Variants in HYAL4 observed in about 807,000 individuals in gnomAD.
HYAL4 encodes the protein hyaluronidase 4.
Under a neutral mutation model 35.2 loss-of-function variants are expected in HYAL4, and 37 were observed. That is an observed-to-expected ratio of 1.05 (90% confidence interval 0.81 to 1.38). The LOEUF (loss-of-function observed/expected upper bound fraction) is 1.38, where lower values mean the gene tolerates loss of function less well. Ranked by LOEUF, HYAL4 falls within the 40% of genes most tolerant of loss-of-function variation. The pLI is 0.00. For synonymous variants in HYAL4, 198 were observed against 203.2 expected, an observed-to-expected ratio of 0.97 and a Z score of 0.22; for missense variants, 572 against 572.4, an observed-to-expected ratio of 1.00 and a Z score of 0.01.
At chr7:123,813,372 A>G in the HYAL4 span, among the ~76,000 whole-genome samples, 1 of 152,130 alleles carries the variant, frequency 6.6e-6, no homozygotes, top group Non-Finnish European at 1.5e-5. Flanking sequence ...GTCCCAACAG[A>G]CTAGTTAAAG....
the HYAL4 span, among the ~76,000 whole-genome samples, chr7:123,774,236 G>A: frequency 6.6e-6 from 1 of 152,164 alleles, no homozygotes; most frequent in East Asian, 1.9e-4. Flanking sequence ...ATGGGGTTTT[G>A]CTATGTTGCC....
chr7:123,791,754 A>G, the HYAL4 span, among the ~76,000 whole-genome samples: 2 of 152,180 alleles, frequency 1.3e-5, no homozygotes, highest in African/African-American at 4.8e-5. Context: ...TCCTTGGGTG[A>G]GCTGGCCCAA....
the HYAL4 span, among the ~76,000 whole-genome samples, chr7:123,781,924 C>T: frequency 1.2e-4 from 18 of 152,092 alleles, no homozygotes; most frequent in African/African-American, 3.4e-4. Flanking sequence ...GCTTTTTCTT[C>T]GAGGTAGGGT....
At chr7:123,870,044 G>A (rs1465900209) in intron 3 of HYAL4, among the ~76,000 whole-genome samples, 1 of 152,170 alleles carries the variant, frequency 6.6e-6, no homozygotes, top group Admixed American at 6.5e-5. Flanking sequence ...GAAGACTCAG[G>A]ACTTGTGGAG....
the HYAL4 span, among the ~76,000 whole-genome samples, chr7:123,809,333 A>AGTGCACTGC: frequency 1.3e-5 from 2 of 151,658 alleles, no homozygotes; most frequent in African/African-American, 2.4e-5. Flanking sequence ...CTGTCCTCCA[A>AGTGCACTGC]GTGCACTGCG....
intron 1 of HYAL4, among the ~76,000 whole-genome samples, chr7:123,831,859 G>A (rs1405302084): frequency 2.0e-5 from 3 of 152,160 alleles, no homozygotes; most frequent in Non-Finnish European, 4.4e-5. Context: ...GTAGAAACCA[G>A]GCAGGTTAGT....
At chr7:123,812,882 C>T in the HYAL4 span, among the ~76,000 whole-genome samples, 1 of 152,040 alleles carries the variant, frequency 6.6e-6, no homozygotes, top group Non-Finnish European at 1.5e-5. Flanking sequence ...GGGAGAAAAA[C>T]CATCTCTGAT....
At chr7:123,819,049 T>A in the HYAL4 span, among the ~76,000 whole-genome samples, 2 of 152,162 alleles carry the variant, frequency 1.3e-5, no homozygotes, top group African/African-American at 4.8e-5. Context: ...TCCTATCTAA[T>A]TGTAATTATG....
chr7:123,781,881 G>A, the HYAL4 span, among the ~76,000 whole-genome samples: 8 of 152,184 alleles, frequency 5.3e-5, no homozygotes, highest in African/African-American at 1.9e-4. Flanking sequence ...TCTAGAACCT[G>A]GGTTACTTCA....
chr7:123,839,314 A>G (rs1806016647), intron 1 of HYAL4, among the ~76,000 whole-genome samples: 1 of 152,028 alleles, frequency 6.6e-6, no homozygotes, highest in African/African-American at 2.4e-5. Context: ...AAGGACATGA[A>G]CTCATCCTTT....
At chr7:123,820,848 T>C in the HYAL4 span, among the ~76,000 whole-genome samples, 97,021 of 151,996 alleles carry the variant, frequency 0.64, 31,695 homozygotes, top group Non-Finnish European at 0.72. Flanking sequence ...ACTGTGTTCT[T>C]TGCTTCTACG....
intron 1 of HYAL4, among the ~76,000 whole-genome samples, chr7:123,846,953 C>T (rs1400806738): frequency 1.3e-5 from 2 of 152,188 alleles, no homozygotes; most frequent in African/African-American, 4.8e-5. Context: ...CAGACAATCT[C>T]CATTTCCCAC....
At chr7:123,779,909 AAAAT>A in the HYAL4 span, among the ~76,000 whole-genome samples, 2 of 152,186 alleles carry the variant, frequency 1.3e-5, no homozygotes, top group South Asian at 4.1e-4. Context: ...GCAAATTAAA[AAAAT>A]AAACACATCA....
chr7:123,856,104 C>T (rs188406714), intron 2 of HYAL4, among the ~76,000 whole-genome samples: 130 of 151,918 alleles, frequency 8.6e-4, no homozygotes, highest in African/African-American at 3.0e-3. Flanking sequence ...TTCCTGTAAC[C>T]TTTTATCAAG....
the HYAL4 span, among the ~76,000 whole-genome samples, chr7:123,770,440 T>TAAAAAAAAAAAAA: frequency 8.4e-6 from 1 of 118,510 alleles, no homozygotes; most frequent in Admixed American, 8.7e-5. Context: ...AGACTCCATC[T>TAAAAAAAAAAAAA]AAAAAAAAAA....
the HYAL4 span, among the ~76,000 whole-genome samples, chr7:123,816,222 C>T: frequency 6.6e-5 from 10 of 152,094 alleles, no homozygotes; most frequent in African/African-American, 1.9e-4. Context: ...TAACTTCATA[C>T]CACTAGTTCT....
At chr7:123,781,735 G>A in the HYAL4 span, among the ~76,000 whole-genome samples, 1 of 152,116 alleles carries the variant, frequency 6.6e-6, no homozygotes, top group South Asian at 2.1e-4. Flanking sequence ...CATGTATATT[G>A]AAATAATAAT....
chr7:123,844,641 T>C (rs1806138742), upstream of HYAL4, among the ~76,000 whole-genome samples: 1 of 152,162 alleles, frequency 6.6e-6, no homozygotes, highest in Admixed American at 6.5e-5. Flanking sequence ...CCCACAGAGA[T>C]GGAGTCTAGA....
chr7:123,858,184 AAAAC>A (rs766359194), intron 2 of HYAL4, among the ~76,000 whole-genome samples: 21 of 152,164 alleles, frequency 1.4e-4, no homozygotes, highest in Non-Finnish European at 2.1e-4. Flanking sequence ...CTCTATCTCA[AAAAC>A]AAACAAACAA....
Sources: gnomAD v4.1 joint callset for allele counts (sites outside exome capture counted in the v4.1 genomes callset) on GRCh38, gnomAD v4.1.1 for gene constraint, MANE v1.5 for transcripts, NCBI Gene and HGNC (gene_info 2026-07-23, HGNC 2026-07-21) for gene names.